Variants in BCL9 observed in about 807,000 individuals in gnomAD.
The protein encoded by BCL9 is B-cell CLL/lymphoma 9 protein.
In BCL9, 25 loss-of-function variants were observed where a neutral mutation model predicts 88.5. The ratio of observed to expected loss-of-function variants is 0.28; its 90% CI spans 0.21 to 0.39. BCL9 has a LOEUF of 0.39. BCL9 is among the 10% of genes least tolerant of loss of function. The pLI is 1.00. For missense variants in BCL9, 1,817 were observed against 1,877.8 expected (o/e 0.97, Z 0.60); for synonymous variants, 711 against 673.3 (o/e 1.06, Z -0.87).
intron 9 of BCL9, among the ~76,000 whole-genome samples, chr1:147,623,598 A>C (rs782390656): frequency 2.0e-5 from 3 of 152,132 alleles, no homozygotes; most frequent in African/African-American, 7.2e-5. Flanking sequence ...ACACATGACA[A>C]TTTCTCCCTT....
intron 1 of BCL9, among the ~76,000 whole-genome samples, chr1:147,560,799 A>G (rs2101498637): frequency 6.6e-6 from 1 of 152,318 alleles, no homozygotes; most frequent in Admixed American, 6.5e-5. Context: ...AAAACAAGGC[A>G]TCGTTACTTC....
intron 9 of BCL9, 110 bp downstream of exon 9, chr1:147,622,641 G>GA (rs1203767300): frequency 3.6e-6 from 5 of 1,370,234 alleles, no homozygotes; most frequent in African/African-American, 2.9e-5. Context: ...TCAACAAGTA[G>GA]AAAAAATCTT....
At chr1:147,573,121 C>T (rs587642186) in intron 1 of BCL9, among the ~76,000 whole-genome samples, 1 of 152,284 alleles carries the variant, frequency 6.6e-6, no homozygotes, top group East Asian at 1.9e-4. Flanking sequence ...TTATTAGACA[C>T]ACAATAAAGA....
intron 7 of BCL9, among the ~76,000 whole-genome samples, chr1:147,616,884 G>A (rs150560101): frequency 6.6e-6 from 1 of 152,298 alleles, no homozygotes; most frequent in East Asian, 1.9e-4. Context: ...TGCTATGGGG[G>A]ATACTAAGAA....
At position 147,548,979 on chromosome 1, in the gene BCL9, C is replaced by CTTTTTTTTT. The variant is rs72473603; in HGVS notation, c.-478+7314_-478+7322dup. On this transcript the variant is annotated intron_variant, in intron 1 of 9. Coordinates refer to ENST00000234739, the MANE Select transcript of BCL9 (RefSeq NM_004326.4). ...TCAAATTCTCTCCTTTTCTTTCTTT[C>CTTTTTTTTT]TTTTTTTTTTTTTTTTTGACTGAGT... Among the ~76,000 whole-genome samples, 61 of 111,276 alleles carry CTTTTTTTTT rather than the reference C, an allele frequency of 5.5e-4. 2 individuals carry two copies. Among genetic ancestry groups the CTTTTTTTTT allele is most frequent in the East Asian group, 1.6e-3 (6 of 3,732 alleles). 73.0% of individuals were successfully genotyped at this position (111,276 alleles called of 152,430 possible).
chr1:147,618,691 T>A, intron 7 of BCL9, 125 bp from the exon 8 acceptor site: 1 of 1,002,758 alleles, frequency 1.0e-6, no homozygotes, highest in Non-Finnish European at 1.4e-6. Flanking sequence ...ACGTGAGCAA[T>A]TTCTACAGCC....
intron 1 of BCL9, among the ~76,000 whole-genome samples, chr1:147,593,882 G>A (rs2101576804): frequency 6.6e-6 from 1 of 152,216 alleles, no homozygotes; most frequent in Non-Finnish European, 1.5e-5. Context: ...AGTAAAATTT[G>A]CCTATCTAGG....
At chr1:147,598,784 G>T (rs1287537843) in intron 1 of BCL9, among the ~76,000 whole-genome samples, 1 of 152,212 alleles carries the variant, frequency 6.6e-6, no homozygotes, top group African/African-American at 2.4e-5. Context: ...ACCCCACAAG[G>T]CACAAGGACA....
At chr1:147,561,193 AT>A (rs1557824887) in intron 1 of BCL9, among the ~76,000 whole-genome samples, 3 of 152,240 alleles carry the variant, frequency 2.0e-5, no homozygotes, top group African/African-American at 7.2e-5. Flanking sequence ...TGAAACTTTT[AT>A]CTTTTTTTCT....
rs888777142 is a variant in BCL9 at position 147,622,670 on chromosome 1, G to A, written c.3163+139G>A. The A allele has an allele frequency of 1.3e-4, 145 of 1,109,188 alleles. 1 individual carries two copies. The highest frequency in any genetic ancestry group is 1.8e-4 in the Non-Finnish European group (140 of 793,638). The allele number at this position is 1,109,188 out of a possible 1,614,324, so 68.7% of individuals were successfully genotyped here. ...AAATCTTCCATCTAAGGTAGTTTCA[G>A]TAGAATGAAAGTGTCTTGACTAGAG... On this transcript the variant is annotated intron_variant, in intron 9 of 9. Transcript: ENST00000234739.
intron 1 of BCL9, among the ~76,000 whole-genome samples, chr1:147,547,608 CT>C (rs1654663628): frequency 6.6e-6 from 1 of 152,126 alleles, no homozygotes; most frequent in South Asian, 2.1e-4. Context: ...ATTTTTCACA[CT>C]GTATGTAATA....
Position 147,619,154 on chromosome 1 carries a change from T to C in BCL9, c.999T>C (p.Pro333=). The C allele has an allele frequency of 6.2e-7, 1 of 1,613,210 alleles. No homozygotes were observed. Among genetic ancestry groups the C allele is most frequent in the South Asian group, 1.1e-5 (1 of 90,990 alleles). ...SSSADPKAPP[P]PPVSSGEPPT... is the part of the protein sequence containing the mutation. Reference sequence around the variant, plus strand: ...CAGCAGATCCCAAAGCCCCTCCGCCTCCACCAGTGTCCAGTGGCGAGCCCC... The same window carrying C: ...CAGCAGATCCCAAAGCCCCTCCGCCCCCACCAGTGTCCAGTGGCGAGCCCC... The change falls in exon 8 of 10, where the codon CCT becomes CCC. Residue 333 remains proline (P), a synonymous_variant. Transcript: ENST00000234739. This position sits in a 1 kb window ranked among gnomAD's most constrained non-coding sequence, Gnocchi z 4.1.
chr1:147,592,036 T>C (rs988044602), intron 1 of BCL9, among the ~76,000 whole-genome samples: 21 of 152,194 alleles, frequency 1.4e-4, no homozygotes, highest in Admixed American at 1.4e-3. Context: ...GCTTGACTGA[T>C]AAACTATAAC....
chr1:147,588,296 C>G (rs1392250033), intron 1 of BCL9, among the ~76,000 whole-genome samples: 2 of 152,202 alleles, frequency 1.3e-5, no homozygotes, highest in Non-Finnish European at 2.9e-5. Context: ...CTTGGCTGAA[C>G]CCTCAATATG....
At chr1:147,551,220 A>G (rs1391563906) in intron 1 of BCL9, among the ~76,000 whole-genome samples, 2 of 152,236 alleles carry the variant, frequency 1.3e-5, no homozygotes, top group African/African-American at 2.4e-5. Context: ...TCTAGAGAGT[A>G]TAACTTGCCC....
intron 1 of BCL9, among the ~76,000 whole-genome samples, chr1:147,561,785 C>A (rs1655386988): frequency 6.6e-6 from 1 of 152,158 alleles, no homozygotes; most frequent in Admixed American, 6.5e-5. Flanking sequence ...CAGGTTCAGA[C>A]AAAATCCTAT....
At chr1:147,599,496 C>CCCG (rs1553200866) in intron 1 of BCL9, among the ~76,000 whole-genome samples, 5 of 132,242 alleles carry the variant, frequency 3.8e-5, no homozygotes, top group African/African-American at 2.2e-4. Context: ...GGCCCCCCGC[C>CCCG]CCCCTCGGTT....
intron 1 of BCL9, among the ~76,000 whole-genome samples, chr1:147,585,197 G>T (rs1212118605): frequency 6.6e-6 from 1 of 152,152 alleles, no homozygotes; most frequent in Non-Finnish European, 1.5e-5. Flanking sequence ...TGCTATGCAT[G>T]GAACATATAA....
intron 1 of BCL9, among the ~76,000 whole-genome samples, chr1:147,574,928 A>AAT (rs1656042407): frequency 6.6e-6 from 1 of 152,094 alleles, no homozygotes; most frequent in Non-Finnish European, 1.5e-5. Flanking sequence ...TCTACTCCAC[A>AAT]CTTTGACTCC....
Sources: gnomAD v4.1 joint callset for allele counts (sites outside exome capture counted in the v4.1 genomes callset) on GRCh38, gnomAD v4.1.1 for gene constraint, Gnocchi (gnomAD v3.1) non-coding constraint, MANE v1.5 for transcripts, NCBI Gene and HGNC (gene_info 2026-07-23, HGNC 2026-07-21) for gene names.